Variants in OR6N1 observed in about 807,000 individuals in gnomAD.
The protein encoded by OR6N1 is olfactory receptor 6N1.
For missense variants in OR6N1, 394 were observed against 371.7 expected (o/e 1.06, Z -0.49); for synonymous variants, 170 against 150.7 (o/e 1.13, Z -0.94).
chr1:158,777,300 G>A, the OR6N1 span: 7 of 1,614,124 alleles, frequency 4.3e-6, no homozygotes, highest in South Asian at 7.7e-5. Flanking sequence ...TAAGAAGGTA[G>A]CATTCAGACG....
the OR6N1 span, among the ~76,000 whole-genome samples, chr1:158,822,228 A>G: frequency 6.6e-6 from 1 of 152,088 alleles, no homozygotes; most frequent in African/African-American, 2.4e-5. Flanking sequence ...TAGTTTTTCT[A>G]GTTCTGTGAA....
At chr1:158,785,954 G>A in the OR6N1 span, among the ~76,000 whole-genome samples, 2 of 151,812 alleles carry the variant, frequency 1.3e-5, no homozygotes, top group Non-Finnish European at 2.9e-5. Flanking sequence ...TAAATCTCAT[G>A]ATCATGACTA....
rs745618574 is a variant in OR6N1 at position 158,766,358 on chromosome 1, C to T, written c.325G>A (p.Ala109Thr). 4.3e-6 allele frequency: 7 copies of T among 1,613,960 alleles called. No individual in the cohort carries two copies. The East Asian group carries it at 6.7e-5, about 15-fold the overall frequency. Residue 109 changes from alanine (A) to threonine (T), a missense_variant, in exon 2 of 2, where the codon GCG (alanine) becomes ACG (threonine). Ala to Thr is a moderately conservative substitution (Grantham distance 58). Transcript: ENST00000641846. ...LQIYFFHSLG[A>T]TECYLLTAMA... ...GCTGTCAGGAGATAGCACTCAGTCG[C>T]TCCAAGGGAGTGAAAGAAATAGATC...
At chr1:158,830,303 T>G in the OR6N1 span, among the ~76,000 whole-genome samples, 1 of 152,178 alleles carries the variant, frequency 6.6e-6, no homozygotes, top group Admixed American at 6.5e-5. Context: ...TCATTCTAGA[T>G]CCTCTTGGTT....
chr1:158,793,917 C>T, the OR6N1 span, among the ~76,000 whole-genome samples: 1 of 152,118 alleles, frequency 6.6e-6, no homozygotes, highest in Non-Finnish European at 1.5e-5. Flanking sequence ...GCAGGAGCCA[C>T]CACAGCTCTC....
chr1:158,828,111 T>C, the OR6N1 span, among the ~76,000 whole-genome samples: 1 of 152,104 alleles, frequency 6.6e-6, no homozygotes, highest in Admixed American at 6.6e-5. Context: ...TCCCTCAACA[T>C]GTGGGAATTG....
At chr1:158,807,213 TA>T in the OR6N1 span, among the ~76,000 whole-genome samples, 1 of 152,128 alleles carries the variant, frequency 6.6e-6, no homozygotes, top group African/African-American at 2.4e-5. Context: ...TTTTATTACG[TA>T]AATATTGGGA....
At chr1:158,783,410 T>TATCCTAA in the OR6N1 span, among the ~76,000 whole-genome samples, 1 of 152,206 alleles carries the variant, frequency 6.6e-6, no homozygotes, top group Non-Finnish European at 1.5e-5. Context: ...AAAATAGAAA[T>TATCCTAA]GAGCTAAATA....
the OR6N1 span, among the ~76,000 whole-genome samples, chr1:158,817,076 T>TTAAAGCTTA: frequency 6.6e-6 from 1 of 152,160 alleles, no homozygotes. Flanking sequence ...AAGAAACAAA[T>TTAAAGCTTA]TAAAGCTTAT....
At chr1:158,774,377 G>C (rs569955374), upstream of OR6N1, 1 of 152,230 alleles carries the variant, frequency 6.6e-6, no homozygotes, top group South Asian at 2.1e-4. Context: ...ATCAAGAAAA[G>C]CAGATTTGTT....
At chr1:158,812,394 CT>C in the OR6N1 span, among the ~76,000 whole-genome samples, 3 of 152,192 alleles carry the variant, frequency 2.0e-5, no homozygotes, top group Non-Finnish European at 4.4e-5. Context: ...ATAGGCCTTG[CT>C]TAGCTAAGAA....
At chr1:158,777,694 C>T in the OR6N1 span, 93 of 1,073,426 alleles carry the variant, frequency 8.7e-5, no homozygotes, top group Non-Finnish European at 1.2e-4. Context: ...CTGCTGAATC[C>T]ATGCCAAAAC....
intron 1 of OR6N1, 36 bp downstream of exon 1, chr1:158,771,985 T>C (rs986164132): frequency 1.3e-5 from 2 of 152,192 alleles, no homozygotes; most frequent in Non-Finnish European, 2.9e-5. Context: ...TAAGAAGGAA[T>C]GTGAAGATGA....
the OR6N1 span, chr1:158,777,401 G>C: frequency 4.3e-6 from 7 of 1,614,092 alleles, no homozygotes; most frequent in South Asian, 6.6e-5. Context: ...AACATCTTAG[G>C]GATAGTGGTA....
the OR6N1 span, among the ~76,000 whole-genome samples, chr1:158,782,202 T>C: frequency 6.6e-6 from 1 of 152,238 alleles, no homozygotes; most frequent in East Asian, 1.9e-4. Context: ...TAAATGTGTA[T>C]TGTGAGAATT....
the OR6N1 span, among the ~76,000 whole-genome samples, chr1:158,810,335 A>G: frequency 6.6e-6 from 1 of 152,008 alleles, no homozygotes; most frequent in African/African-American, 2.4e-5. Flanking sequence ...TGACATTAGA[A>G]CTTATAGCAT....
the OR6N1 span, among the ~76,000 whole-genome samples, chr1:158,808,013 T>C: frequency 2.0e-5 from 3 of 151,764 alleles, no homozygotes; most frequent in South Asian, 6.2e-4. Context: ...TCTGACCACA[T>C]GATTGACAAG....
chr1:158,789,649 C>T, the OR6N1 span, among the ~76,000 whole-genome samples: 1 of 152,082 alleles, frequency 6.6e-6, no homozygotes, highest in Non-Finnish European at 1.5e-5. Flanking sequence ...GAGAAATATC[C>T]ATTCAGATTT....
the OR6N1 span, among the ~76,000 whole-genome samples, chr1:158,789,299 A>G: frequency 2.0e-5 from 3 of 152,192 alleles, no homozygotes; most frequent in Admixed American, 6.5e-5. Context: ...CAGTGCTGCA[A>G]TAAACATGGG....
Sources: allele counts gnomAD v4.1 joint callset (sites outside exome capture counted in the v4.1 genomes callset), GRCh38; gene constraint gnomAD v4.1.1; transcripts MANE v1.5; gene names NCBI Gene and HGNC (gene_info 2026-07-23, HGNC 2026-07-21).